The following PLA1A variants were observed in gnomAD, a reference collection of about 807,000 sequenced individuals.
PLA1A encodes the protein phosphatidylserine-specific phospholipase A1alpha.
PLA1A carries 47 observed loss-of-function variants against 49.4 expected under a neutral mutation model. The observed-to-expected ratio is 0.95, with a 90% CI of 0.75 to 1.21. The LOEUF (loss-of-function observed/expected upper bound fraction) is 1.21, where lower values mean the gene tolerates loss of function less well. Ranked by LOEUF, PLA1A falls within the 50% of genes most tolerant of loss-of-function variation. PLA1A has a pLI of 0.00. For missense variants in PLA1A, 561 were observed against 563.9 expected (o/e 0.99, Z 0.05); for synonymous variants, 224 against 207.9 (o/e 1.08, Z -0.67).
In PLA1A at chr3:119,629,699, T is replaced by C. The variant is rs1424671696; in HGVS notation, c.*231T>C. 4 of 498,980 alleles carry C rather than the reference T, an allele frequency of 8.0e-6. No homozygotes were observed. The highest frequency in any genetic ancestry group is 1.4e-5 in the Non-Finnish European group (4 of 281,358). 30.9% of individuals were successfully genotyped at this position (498,980 alleles called of 1,614,324 possible). A position where few individuals can be genotyped will look rare whatever the true frequency, so the allele number is the denominator to read the frequency against. On this transcript the variant is annotated 3_prime_UTR_variant, in exon 11 of 11. Transcript: ENST00000273371. ...GTACATACCCATTTTAGCTTTCCCA[T>C]GCATACTTAACTGCACTTGCTTTAT...
chr3:119,601,042 G>A (rs1475169581), intron 1 of PLA1A, among the ~76,000 whole-genome samples: 1 of 152,240 alleles, frequency 6.6e-6, no homozygotes, highest in Non-Finnish European at 1.5e-5. Context: ...GAGGGTGCCT[G>A]CTTCCCGACA....
At chr3:119,620,093 A>G (rs138343613) in intron 8 of PLA1A, 1 of 457,508 alleles carries the variant, frequency 2.2e-6, no homozygotes, top group South Asian at 1.5e-5. Context: ...CCAGCTTCTC[A>G]CTGTTGCTCC....
At chr3:119,603,567 C>T (rs776992928) in intron 1 of PLA1A, among the ~76,000 whole-genome samples, 5 of 152,136 alleles carry the variant, frequency 3.3e-5, no homozygotes, top group Non-Finnish European at 4.4e-5. Context: ...AAAATATTAG[C>T]TTATCTAATC....
chr3:119,608,990 GGA>G (rs765398614), intron 3 of PLA1A, 43 bp downstream of exon 3: 14 of 1,521,690 alleles, frequency 9.2e-6, no homozygotes, highest in Middle Eastern at 1.7e-4. Context: ...CTGCGTATGA[GGA>G]GAGAGGGTCA....
At chr3:119,607,299 A>T (rs2082702133) in intron 2 of PLA1A, among the ~76,000 whole-genome samples, 1 of 152,200 alleles carries the variant, frequency 6.6e-6, no homozygotes, top group Non-Finnish European at 1.5e-5. Flanking sequence ...CCTTGGTTTT[A>T]TGACCTAAGA....
chr3:119,600,412 G>A (rs2082602582), intron 1 of PLA1A: 1 of 702,838 alleles, frequency 1.4e-6, no homozygotes, highest in Admixed American at 2.0e-5. Context: ...GGGGTAGGTG[G>A]TCTTTCTTTG....
chr3:119,613,109 G>A lies in PLA1A; in HGVS notation c.655G>A (p.Asp219Asn), dbSNP rs1577144763. The change falls in exon 5 of 11, where the codon GAC becomes AAC. Residue 219 changes from aspartate (D) to asparagine (N), a missense_variant. By Grantham distance (23) the Asp-to-Asn change is conservative. Transcript: ENST00000273371. ...CCTCTTCGTGGAAGCCATCCACACA[G>A]ACACCGACAGTGAGCTGGGGTGACC... Reference protein sequence around the residue: ...DALFVEAIHTDTDNLGIRIPV... With the variant: ...DALFVEAIHTNTDNLGIRIPV... 2 of 1,604,030 alleles carry A rather than the reference G, an allele frequency of 1.2e-6. No homozygotes were observed. Among genetic ancestry groups the A allele is most frequent in the Non-Finnish European group, 8.5e-7 (1 of 1,174,054 alleles).
intron 2 of PLA1A, among the ~76,000 whole-genome samples, chr3:119,608,226 GAGAGAGAAAGAAAGAGAGAAAGAA>G (rs1181553973): frequency 9.1e-6 from 1 of 109,782 alleles, no homozygotes; most frequent in Non-Finnish European, 2.0e-5. Context: ...AAGAAAGAAA[GAGAGAGAAAGAAAGAGAGAAAGAA>G]AGAAAGAAAG....
chr3:119,613,712 T>C (rs1416323397), intron 5 of PLA1A, among the ~76,000 whole-genome samples: 1 of 152,106 alleles, frequency 6.6e-6, no homozygotes, highest in Non-Finnish European at 1.5e-5. Flanking sequence ...GCTAACACGG[T>C]GAAACCCCGT....
intron 4 of PLA1A, among the ~76,000 whole-genome samples, chr3:119,612,590 G>A (rs1437978386): frequency 1.3e-5 from 2 of 151,902 alleles, no homozygotes; most frequent in Non-Finnish European, 2.9e-5. Context: ...CCGGGTTCAC[G>A]CCATTCTTCT....
rs78162953 is a variant in PLA1A, at chr3:119,620,420, A to G, written c.1012+768A>G. ...ATCTTTGTGAAAATATCTTCCTGGTACCAGAAGGCCTGGTGCCATATGACA... is the reference window on the plus strand; with the variant it reads ...ATCTTTGTGAAAATATCTTCCTGGTGCCAGAAGGCCTGGTGCCATATGACA... On this transcript the variant is annotated intron_variant, in intron 8 of 10. Coordinates refer to ENST00000273371, the MANE Select transcript of PLA1A (RefSeq NM_015900.4). Among the ~76,000 whole-genome samples the G allele has an allele frequency of 4.7e-3, 722 of 152,272 alleles. 27 individuals carry two copies. In the East Asian group the frequency reaches 0.092, roughly 19 times the overall value.
intron 8 of PLA1A, among the ~76,000 whole-genome samples, chr3:119,621,560 G>A (rs556212425): frequency 5.9e-5 from 9 of 152,366 alleles, no homozygotes; most frequent in South Asian, 2.1e-4. Flanking sequence ...CCAGGCATGC[G>A]CCAGCATGGG....
intron 2 of PLA1A, 146 bp from the exon 3 acceptor site, chr3:119,608,624 C>T (rs1054406693): frequency 1.5e-6 from 1 of 660,618 alleles, no homozygotes; most frequent in Non-Finnish European, 2.7e-6. Context: ...CCTCCCTATG[C>T]TCCAAGTACT....
chr3:119,627,773 C>T (rs1451337356), intron 9 of PLA1A, among the ~76,000 whole-genome samples: 2 of 152,202 alleles, frequency 1.3e-5, no homozygotes, highest in African/African-American at 4.8e-5. Flanking sequence ...GGGCGCCCTC[C>T]TTGATCCCCC....
intron 4 of PLA1A, among the ~76,000 whole-genome samples, chr3:119,610,459 C>T (rs1464697733): frequency 6.6e-6 from 1 of 152,096 alleles, no homozygotes; most frequent in Non-Finnish European, 1.5e-5. Flanking sequence ...ATAAGTATTC[C>T]CTTTTCTCTG....
At chr3:119,604,845 T>TTGCAGAGGCAGTGGCTTCCC (rs1264566064) in intron 1 of PLA1A, among the ~76,000 whole-genome samples, 1 of 152,204 alleles carries the variant, frequency 6.6e-6, no homozygotes, top group African/African-American at 2.4e-5. Context: ...GGGCTTGTCC[T>TTGCAGAGGCAGTGGCTTCCC]ATTGTAAAAA....
chr3:119,617,387 G>C (rs1174911306), intron 6 of PLA1A, among the ~76,000 whole-genome samples: 1 of 151,938 alleles, frequency 6.6e-6, no homozygotes, highest in African/African-American at 2.4e-5. Context: ...TTGAGAAATG[G>C]GGCAGCATCA....
intron 1 of PLA1A, among the ~76,000 whole-genome samples, chr3:119,603,738 C>T (rs1371008935): frequency 6.6e-6 from 1 of 152,222 alleles, no homozygotes; most frequent in Non-Finnish European, 1.5e-5. Context: ...TGGCTCAGGG[C>T]TCCACCAAAG....
At chr3:119,609,919 A>T (rs756713061) in intron 4 of PLA1A, among the ~76,000 whole-genome samples, 3 of 152,170 alleles carry the variant, frequency 2.0e-5, no homozygotes, top group Non-Finnish European at 4.4e-5. Flanking sequence ...TAATGATCTC[A>T]TTGCCCAAGT....
Sources: gnomAD v4.1 joint callset for allele counts (sites outside exome capture counted in the v4.1 genomes callset) on GRCh38, gnomAD v4.1.1 for gene constraint, MANE v1.5 for transcripts, NCBI Gene and HGNC (gene_info 2026-07-23, HGNC 2026-07-21) for gene names.